Variants in MXRA7 observed in about 807,000 individuals in gnomAD.
MXRA7 encodes matrix-remodeling-associated protein 7.
Under a neutral mutation model 17.4 loss-of-function variants are expected in MXRA7, and 18 were observed. That is an observed-to-expected ratio of 1.03 (90% CI 0.71 to 1.53). The LOEUF (loss-of-function observed/expected upper bound fraction) is 1.53, where lower values mean the gene tolerates loss of function less well. Ranked by LOEUF, MXRA7 falls within the 40% of genes most tolerant of loss-of-function variation. MXRA7 has a pLI of 0.00. For synonymous variants in MXRA7, 70 were observed against 101.7 expected, an observed-to-expected ratio of 0.69 and a Z score of 1.87; for missense variants, 141 against 209.3, an observed-to-expected ratio of 0.67 and a Z score of 2.01.
chr17:76,699,035 A>C (rs758359552), intron 1 of MXRA7, among the ~76,000 whole-genome samples: 84 of 151,508 alleles, frequency 5.5e-4, no homozygotes, highest in Non-Finnish European at 8.1e-4. Context: ...CTTCCTTTCT[A>C]TTCTGAATTC....
downstream of MXRA7, chr17:76,677,338 A>G (rs756283831): frequency 2.9e-5 from 12 of 417,182 alleles, no homozygotes; most frequent in African/African-American, 2.0e-4. Flanking sequence ...TCAGAGCCCA[A>G]TAACAGCTGG....
chr17:76,686,737 A>G (rs2076402823), intron 2 of MXRA7, among the ~76,000 whole-genome samples: 1 of 152,202 alleles, frequency 6.6e-6, no homozygotes, highest in Admixed American at 6.5e-5. Context: ...CTAGTCGCTC[A>G]GGGAAGTCAT....
At chr17:76,683,908 G>C in intron 3 of MXRA7, 1 of 1,613,966 alleles carries the variant, frequency 6.2e-7, no homozygotes, top group Non-Finnish European at 8.5e-7. Flanking sequence ...AGGGAAGTGA[G>C]GTCAGAGGTC....
intron 1 of MXRA7, among the ~76,000 whole-genome samples, chr17:76,707,832 G>C (rs531730157): frequency 2.6e-5 from 4 of 152,328 alleles, no homozygotes; most frequent in African/African-American, 2.4e-5. Context: ...AAAGCCCTGA[G>C]TCCTGGCCTG....
At chr17:76,708,309 G>A (rs1372506397) in intron 1 of MXRA7, among the ~76,000 whole-genome samples, 1 of 152,230 alleles carries the variant, frequency 6.6e-6, no homozygotes, top group Admixed American at 6.5e-5. Flanking sequence ...AAAATGAAGA[G>A]GGAGGGGAGA....
chr17:76,690,478 G>A lies in MXRA7; in HGVS notation c.343-2302C>T, dbSNP rs187577709. On this transcript the variant is annotated intron_variant, in intron 1 of 3. Coordinates refer to ENST00000449428, the MANE Select transcript of MXRA7 (RefSeq NM_198530.4). ...CAATCTCAGCACTTTGGGAGGCTGA[G>A]GTGGGAGGGCTGCTTGAGCCCAGAA... 3.9e-5 allele frequency among the ~76,000 whole-genome samples: 6 copies of A among 152,148 alleles called. No individual in the cohort carries two copies. In the East Asian group the frequency reaches 1.2e-3, roughly 30 times the overall value.
chr17:76,695,148 G>A (rs1460402810), intron 1 of MXRA7, among the ~76,000 whole-genome samples: 2 of 152,094 alleles, frequency 1.3e-5, no homozygotes, highest in African/African-American at 2.4e-5. Context: ...CAACAAGAGC[G>A]AAACTCCGTC....
intron 1 of MXRA7, among the ~76,000 whole-genome samples, chr17:76,695,555 T>C (rs1253320895): frequency 6.6e-6 from 1 of 151,980 alleles, no homozygotes; most frequent in Non-Finnish European, 1.5e-5. Flanking sequence ...TTTTCAGGAG[T>C]GTGCACGGTG....
intron 1 of MXRA7, among the ~76,000 whole-genome samples, chr17:76,704,495 G>A (rs980153918): frequency 2.8e-5 from 4 of 145,064 alleles, no homozygotes; most frequent in African/African-American, 1.0e-4. Flanking sequence ...GTGAGCCACC[G>A]CGCCCGGCCA....
intron 1 of MXRA7, among the ~76,000 whole-genome samples, chr17:76,700,366 G>C (rs1447921412): frequency 1.3e-5 from 2 of 152,194 alleles, no homozygotes; most frequent in East Asian, 3.8e-4. Context: ...TGGATGAACT[G>C]CTGGTATCCC....
chr17:76,691,412 G>C (rs1029367880), intron 1 of MXRA7, among the ~76,000 whole-genome samples: 3 of 152,174 alleles, frequency 2.0e-5, no homozygotes, highest in Admixed American at 2.0e-4. Flanking sequence ...AGACGCTGTA[G>C]CAAATTACTC....
chr17:76,674,983 A>C, downstream of MXRA7: 1 of 152,346 alleles, frequency 6.6e-6, no homozygotes, highest in African/African-American at 2.4e-5. Flanking sequence ...AGACTGAGCT[A>C]AGAGAACTGC....
chr17:76,701,357 C>G (rs76937630), intron 1 of MXRA7, among the ~76,000 whole-genome samples: 15,417 of 150,836 alleles, frequency 0.1, 1,119 homozygotes, highest in East Asian at 0.32. Context: ...AGCTGAGCGT[C>G]GGGGGGGTGG....
At chr17:76,678,199 G>A (rs1396902656), downstream of MXRA7, among the ~76,000 whole-genome samples, 6 of 152,184 alleles carry the variant, frequency 3.9e-5, no homozygotes, top group African/African-American at 7.2e-5. Flanking sequence ...ACGGTGCTTG[G>A]CAAAGGAGCG....
At chr17:76,688,441 G>A (rs1413695009) in intron 1 of MXRA7, 1 of 1,361,218 alleles carries the variant, frequency 7.3e-7, no homozygotes, top group African/African-American at 1.5e-5. Context: ...CCTTTCCCAG[G>A]TGGGTGCCTG....
chr17:76,707,531 T>C lies in MXRA7; in HGVS notation c.342+3074A>G, dbSNP rs112458399. On this transcript the variant is annotated intron_variant, in intron 1 of 3. Coordinates refer to ENST00000449428, the MANE Select transcript of MXRA7 (RefSeq NM_198530.4). ...GTTGGCCAGGTTGGTCTCGAACTCC[T>C]GACCTCAGGTGATCCTCCTGCCTCG... 3.8e-3 allele frequency among the ~76,000 whole-genome samples: 571 copies of C among 152,230 alleles called. 2 individuals are homozygous for C. Among genetic ancestry groups the C allele is most frequent in the African/African-American group, 0.013 (542 of 41,526 alleles).
At chr17:76,678,362 T>C (rs1188810046), downstream of MXRA7, among the ~76,000 whole-genome samples, 5 of 152,154 alleles carry the variant, frequency 3.3e-5, no homozygotes, top group East Asian at 9.6e-4. Context: ...TCCACGCGGG[T>C]TCTGTGCTGG....
At chr17:76,695,963 C>T (rs569154703) in intron 1 of MXRA7, among the ~76,000 whole-genome samples, 13 of 152,100 alleles carry the variant, frequency 8.5e-5, no homozygotes, top group Non-Finnish European at 1.5e-4. Context: ...GGTGTGGTGG[C>T]GGGTGCCTGT....
At chr17:76,672,553 A>C (rs1036260925) in exon 4 of MXRA7, 1 of 152,202 alleles carries the variant, frequency 6.6e-6, no homozygotes, top group Admixed American at 6.5e-5. Flanking sequence ...CACAAATATG[A>C]AAACAGCATA....
Sources: allele counts gnomAD v4.1 joint callset (sites outside exome capture counted in the v4.1 genomes callset), GRCh38; gene constraint gnomAD v4.1.1; transcripts MANE v1.5; gene names NCBI Gene and HGNC (gene_info 2026-07-23, HGNC 2026-07-21).